Variants in MCTP1 observed in about 807,000 individuals in gnomAD.
MCTP1 encodes multiple C2 and transmembrane domain containing 1, also known as multiple C2 and transmembrane domain-containing protein 1.
In MCTP1, 69 loss-of-function variants were observed where a neutral mutation model predicts 120.6. The ratio of observed to expected loss-of-function variants is 0.57; its 90% CI spans 0.47 to 0.70. MCTP1 has a LOEUF of 0.70. MCTP1 is among the 30% of genes least tolerant of loss of function. The pLI, the probability that MCTP1 is intolerant of heterozygous loss-of-function variation, is 0.00. For synonymous variants in MCTP1, 529 were observed against 493.1 expected (o/e 1.07, Z -0.96); for missense variants, 1,203 against 1,248.8 (o/e 0.96, Z 0.55).
chr5:94,922,084 AT>A (rs1161712723), intron 7 of MCTP1, among the ~76,000 whole-genome samples: 1 of 152,204 alleles, frequency 6.6e-6, no homozygotes, highest in African/African-American at 2.4e-5. Flanking sequence ...CCTAAAGGTT[AT>A]GCCTATATGA....
At chr5:95,136,676 A>AT (rs1438846348) in intron 1 of MCTP1, among the ~76,000 whole-genome samples, 1 of 152,172 alleles carries the variant, frequency 6.6e-6, no homozygotes, top group Non-Finnish European at 1.5e-5. Flanking sequence ...CTTTACAATA[A>AT]TTTTATATGT....
chr5:95,155,217 TA>T (rs1744977456), intron 1 of MCTP1, among the ~76,000 whole-genome samples: 1 of 152,102 alleles, frequency 6.6e-6, no homozygotes, highest in African/African-American at 2.4e-5. Context: ...ACTAAAAATA[TA>T]AAGACACAGG....
intron 1 of MCTP1, among the ~76,000 whole-genome samples, chr5:95,235,670 G>A (rs1426853619): frequency 6.6e-6 from 1 of 152,170 alleles, no homozygotes; most frequent in East Asian, 1.9e-4. Context: ...GTATCACATT[G>A]TGATAATTAT....
intron 1 of MCTP1, among the ~76,000 whole-genome samples, chr5:95,179,107 T>A (rs1748333910): frequency 6.6e-6 from 1 of 152,156 alleles, no homozygotes; most frequent in African/African-American, 2.4e-5. Context: ...AGCTTTTGAA[T>A]TAACCCAATC....
At chr5:95,097,051 T>TTAA (rs1198963820) in intron 1 of MCTP1, among the ~76,000 whole-genome samples, 3 of 152,186 alleles carry the variant, frequency 2.0e-5, no homozygotes, top group African/African-American at 7.2e-5. Flanking sequence ...AATCAATATT[T>TTAA]TTTATAACTT....
intron 19 of MCTP1, among the ~76,000 whole-genome samples, chr5:94,777,161 C>A (rs1364167415): frequency 6.6e-6 from 1 of 152,166 alleles, no homozygotes; most frequent in South Asian, 2.1e-4. Flanking sequence ...GCATCCTGTA[C>A]AGAAGAATAC....
chr5:94,844,394 G>A (rs1006478190), intron 17 of MCTP1, among the ~76,000 whole-genome samples: 2 of 151,824 alleles, frequency 1.3e-5, no homozygotes, highest in South Asian at 2.1e-4. Flanking sequence ...AACTGACAAG[G>A]CTTTCCATTT....
intron 12 of MCTP1, among the ~76,000 whole-genome samples, chr5:94,878,537 A>C (rs953867935): frequency 2.6e-5 from 4 of 152,072 alleles, no homozygotes; most frequent in Admixed American, 1.3e-4. Context: ...AGATTTTGTA[A>C]TGTCCTTTTT....
At chr5:95,065,349 T>C (rs1241850296) in intron 1 of MCTP1, among the ~76,000 whole-genome samples, 1 of 151,978 alleles carries the variant, frequency 6.6e-6, no homozygotes, top group Non-Finnish European at 1.5e-5. Context: ...CAAATATATA[T>C]GTAAATATTC....
At position 94,724,530 on chromosome 5, in the gene MCTP1, G is replaced by GACC. The variant is rs1429584714; in HGVS notation, c.2611-9647_2611-9645dup. ...GTCTCCCAAAGTGCTAGGATTACAG[G>GACC]ACCACCACACCCAGCCAAGAAAACC... is the stretch of plus-strand genomic sequence containing the variant. On this transcript the variant is annotated intron_variant, in intron 19 of 22. Coordinates refer to ENST00000515393, the MANE Select transcript of MCTP1 (RefSeq NM_024717.7). Among the ~76,000 whole-genome samples, 3 of 151,662 alleles carry GACC rather than the reference G, an allele frequency of 2.0e-5. No individual in the cohort carries two copies. In the East Asian group the frequency reaches 5.8e-4, roughly 29 times the overall value.
At chr5:94,876,944 C>T (rs1799007704) in intron 12 of MCTP1, among the ~76,000 whole-genome samples, 1 of 152,060 alleles carries the variant, frequency 6.6e-6, no homozygotes, top group Admixed American at 6.6e-5. Flanking sequence ...CATAGTCCAG[C>T]TCTCAAGGCA....
intron 1 of MCTP1, among the ~76,000 whole-genome samples, chr5:95,062,303 G>C (rs1312782499): frequency 6.6e-6 from 1 of 152,022 alleles, no homozygotes; most frequent in African/African-American, 2.4e-5. Context: ...TGTGTATTTT[G>C]GTAAAAAAGA....
At chr5:94,986,556 C>T (rs1830453910) in intron 2 of MCTP1, among the ~76,000 whole-genome samples, 1 of 152,184 alleles carries the variant, frequency 6.6e-6, no homozygotes, top group Non-Finnish European at 1.5e-5. Context: ...GTCACCCAGG[C>T]TGGAGTGCAG....
At chr5:94,837,944 T>G (rs1025232316) in intron 17 of MCTP1, among the ~76,000 whole-genome samples, 1 of 152,214 alleles carries the variant, frequency 6.6e-6, no homozygotes, top group Non-Finnish European at 1.5e-5. Context: ...GCAATGATAT[T>G]TAGACATTAC....
chr5:94,841,221 G>A (rs1561728668), intron 17 of MCTP1, among the ~76,000 whole-genome samples: 1 of 152,128 alleles, frequency 6.6e-6, no homozygotes, highest in Non-Finnish European at 1.5e-5. Flanking sequence ...ACAGAAAGGT[G>A]CCACTGAAAA....
intron 2 of MCTP1, among the ~76,000 whole-genome samples, chr5:94,964,449 T>C (rs778915293): frequency 6.6e-6 from 1 of 152,158 alleles, no homozygotes; most frequent in Non-Finnish European, 1.5e-5. Context: ...GAGTAGGGCA[T>C]TGAAGTCCCC....
intron 6 of MCTP1, among the ~76,000 whole-genome samples, chr5:94,928,209 AACACACACAC>A (rs60502360): frequency 0.13 from 19,753 of 148,414 alleles, 1,356 homozygotes; most frequent in African/African-American, 0.16. Flanking sequence ...TCTAGGTTAA[AACACACACAC>A]ACACACACAC....
intron 12 of MCTP1, among the ~76,000 whole-genome samples, chr5:94,881,126 T>A (rs1799965843): frequency 6.6e-6 from 1 of 152,124 alleles, no homozygotes; most frequent in Non-Finnish European, 1.5e-5. Flanking sequence ...AATCAGATGT[T>A]CTTGCCTAAG....
At chr5:95,101,420 G>A (rs771966644) in intron 1 of MCTP1, among the ~76,000 whole-genome samples, 9 of 152,178 alleles carry the variant, frequency 5.9e-5, no homozygotes, top group Non-Finnish European at 1.0e-4. Context: ...GAGCAATACA[G>A]AGTATGTACA....
Sources: allele counts gnomAD v4.1 joint callset (sites outside exome capture counted in the v4.1 genomes callset), GRCh38; gene constraint gnomAD v4.1.1; transcripts MANE v1.5; gene names NCBI Gene and HGNC (gene_info 2026-07-23, HGNC 2026-07-21).